Variants in AFAP1 observed in about 807,000 individuals in gnomAD.
AFAP1 encodes the protein actin filament associated protein 1.
AFAP1 carries 75 observed loss-of-function variants against 93.9 expected under a neutral mutation model. That is an observed-to-expected ratio of 0.80 (90% CI 0.66 to 0.97). The LOEUF (loss-of-function observed/expected upper bound fraction) is 0.97. Ranked by LOEUF, AFAP1 falls within the 50% of genes least tolerant of loss-of-function variation. The pLI is 0.00. For synonymous variants in AFAP1, 517 were observed against 430.7 expected (o/e 1.20, Z -2.48); for missense variants, 1,201 against 1,050.8 (o/e 1.14, Z -1.98).
intron 6 of AFAP1, among the ~76,000 whole-genome samples, chr4:7,835,813 G>A (rs1254921289): frequency 6.8e-6 from 1 of 147,700 alleles, no homozygotes; most frequent in East Asian, 2.0e-4. Context: ...AGGTTACCTG[G>A]GTGGCTCTTG....
At position 7,769,020 on chromosome 4, in the gene AFAP1, G is replaced by A. The variant is rs1560144507; in HGVS notation, c.2254-12C>T. The A allele has an allele frequency of 6.3e-7, 1 of 1,593,196 alleles. No homozygotes were observed. On this transcript the variant is annotated splice_polypyrimidine_tract_variant and intron_variant, in intron 16 of 17. Coordinates refer to ENST00000420658, the MANE Select transcript of AFAP1 (RefSeq NM_001134647.2). ...CGGAACACTGGAGACTTAACGGAGA[G>A]AGAGAACCCCATGTGATGAGCGGTT...
At chr4:7,881,752 G>A (rs1323797011) in intron 1 of AFAP1, among the ~76,000 whole-genome samples, 1 of 150,928 alleles carries the variant, frequency 6.6e-6, no homozygotes, top group Admixed American at 6.6e-5. Context: ...CTGCACTTCA[G>A]CCTGGGCGAC....
Position 7,805,589 on chromosome 4 carries a change from T to A in AFAP1, c.1054+4025A>T, listed in dbSNP as rs185400724. 1.2e-4 allele frequency among the ~76,000 whole-genome samples: 19 copies of A among 152,334 alleles called. No homozygotes were observed. In the Middle Eastern group the frequency reaches 0.01, roughly 82 times the overall value. On this transcript the variant is annotated intron_variant, in intron 9 of 17. Coordinates refer to ENST00000420658, the MANE Select transcript of AFAP1 (RefSeq NM_001134647.2). ...TTTCATGTATTTTATCCTCAGTTTT[T>A]ATGAAAACAAAGGAATTGAAGTATT...
chr4:7,919,383 G>T (rs1482535899), intron 1 of AFAP1, among the ~76,000 whole-genome samples: 1 of 152,160 alleles, frequency 6.6e-6, no homozygotes, highest in African/African-American at 2.4e-5. Flanking sequence ...TGTGTTTTTG[G>T]AACAAGGGGG....
intron 11 of AFAP1, among the ~76,000 whole-genome samples, chr4:7,792,706 C>T (rs1247326876): frequency 6.6e-6 from 1 of 152,186 alleles, no homozygotes; most frequent in African/African-American, 2.4e-5. Context: ...TCTGTGGCCT[C>T]TCATCACGCT....
intron 1 of AFAP1, among the ~76,000 whole-genome samples, chr4:7,894,494 A>G (rs549597512): frequency 6.6e-6 from 1 of 152,282 alleles, no homozygotes; most frequent in African/African-American, 2.4e-5. Flanking sequence ...ACATGTCAAG[A>G]CAAGCCTGGT....
intron 5 of AFAP1, 103 bp from the exon 6 acceptor site, chr4:7,838,806 G>T: frequency 7.7e-7 from 1 of 1,298,112 alleles, no homozygotes. Flanking sequence ...CAAGGCATCT[G>T]AAAGTCTGAA....
In AFAP1 at chr4:7,786,232, C is replaced by G. The variant is rs1217184509; in HGVS notation, c.1492G>C (p.Ala498Pro). Residue 498 changes from alanine (A) to proline (P), a missense_variant, in exon 12 of 18, where the codon GCA (alanine) becomes CCA (proline). By Grantham distance (27) the Ala-to-Pro change is conservative. Transcript: ENST00000420658. ...SNGYAHPSGT[A>P]LHYDDVPCIN... ...CACGGGACATCGTCATAATGAAGTG[C>G]CGTCCCGCTGGGGTGGGCATAGCCG... 8.1e-6 allele frequency: 13 copies of G among 1,614,042 alleles called. No homozygotes were observed. The highest frequency in any genetic ancestry group is 1.3e-5 in the African/African-American group (1 of 74,930).
chr4:7,853,567 G>C (rs1056444628), intron 4 of AFAP1, among the ~76,000 whole-genome samples: 1 of 152,300 alleles, frequency 6.6e-6, no homozygotes, highest in Non-Finnish European at 1.5e-5. Context: ...AGACACAGCA[G>C]AAACTGCCCG....
intron 1 of AFAP1, among the ~76,000 whole-genome samples, chr4:7,885,108 A>C (rs1460735946): frequency 2.0e-5 from 3 of 152,218 alleles, no homozygotes; most frequent in South Asian, 2.1e-4. Flanking sequence ...TTCCCAAACC[A>C]TGACCAACCT....
intron 17 of AFAP1, among the ~76,000 whole-genome samples, chr4:7,767,119 C>T (rs567667707): frequency 6.6e-6 from 1 of 152,208 alleles, no homozygotes; most frequent in Non-Finnish European, 1.5e-5. Flanking sequence ...GGGAACCCTG[C>T]TCAGTCCGTC....
chr4:7,910,555 G>C (rs1252567917), intron 1 of AFAP1, among the ~76,000 whole-genome samples: 1 of 152,208 alleles, frequency 6.6e-6, no homozygotes, highest in Non-Finnish European at 1.5e-5. Flanking sequence ...AGCCTACCAA[G>C]TCAAGTGGGG....
chr4:7,808,731 T>C (rs1190904225), intron 9 of AFAP1, among the ~76,000 whole-genome samples: 2 of 152,146 alleles, frequency 1.3e-5, no homozygotes, highest in Non-Finnish European at 2.9e-5. Flanking sequence ...GCAGATCTCT[T>C]ATAAATGGCT....
At chr4:7,938,288 A>T (rs1377729520) in intron 1 of AFAP1, among the ~76,000 whole-genome samples, 2 of 152,172 alleles carry the variant, frequency 1.3e-5, no homozygotes, top group Non-Finnish European at 2.9e-5. Flanking sequence ...CTGTTACTTA[A>T]ACACCATCTC....
rs1477976443 is a variant in AFAP1, at chr4:7,927,606, C to G, written c.-3+12050G>C. 2.6e-5 allele frequency among the ~76,000 whole-genome samples: 4 copies of G among 152,288 alleles called. No individual in the cohort carries two copies. In the East Asian group the frequency reaches 7.7e-4, roughly 29 times the overall value. On this transcript the variant is annotated intron_variant, in intron 1 of 17. Transcript: ENST00000420658. ...TTGGGAGGCCGAGGCAGGAGGATCA[C>G]TTGAGCCCAGGAGTTTAAGACCAGT...
chr4:7,899,219 GC>G (rs1156887799), intron 1 of AFAP1, among the ~76,000 whole-genome samples: 2 of 151,876 alleles, frequency 1.3e-5, no homozygotes. Flanking sequence ...ACTAAGTTTT[GC>G]ACCTATAGGC....
chr4:7,795,055 A>T (rs1340812371), intron 10 of AFAP1, among the ~76,000 whole-genome samples: 1 of 152,232 alleles, frequency 6.6e-6, no homozygotes, highest in African/African-American at 2.4e-5. Context: ...ATTGGGTTTT[A>T]TAATTATAAC....
chr4:7,809,624 A>G lies in AFAP1; in HGVS notation c.1044T>C (p.Val348=), dbSNP rs1478987745. The G allele has an allele frequency of 1.9e-6, 3 of 1,612,356 alleles. No individual in the cohort carries two copies. The highest frequency in any genetic ancestry group is 1.7e-5 in the Admixed American group (1 of 59,652). Residue 348 remains valine (V), a synonymous_variant, in exon 9 of 18, where the codon GTT becomes GTC. Transcript: ENST00000420658. ...DEQTSSAEED[V]PTCGYLNVLS... ...GAAGCGCAGTCTTACCGCAGGTGGG[A>G]ACATCTTCCTCAGCTGAGGAGGTCT...
intron 9 of AFAP1, 64 bp from the exon 10 acceptor site, chr4:7,800,717 A>G: frequency 6.5e-7 from 1 of 1,539,746 alleles, no homozygotes; most frequent in Non-Finnish European, 9.0e-7. Flanking sequence ...GAAGACGTCT[A>G]GGGTCACACT....
Sources: gnomAD v4.1 joint callset for allele counts (sites outside exome capture counted in the v4.1 genomes callset) on GRCh38, gnomAD v4.1.1 for gene constraint, MANE v1.5 for transcripts, NCBI Gene and HGNC (gene_info 2026-07-23, HGNC 2026-07-21) for gene names.